The following LRIG1 variants were observed in gnomAD, a reference collection of about 807,000 sequenced individuals.
LRIG1 encodes the protein leucine rich repeats and immunoglobulin like domains 1.
In LRIG1, 48 loss-of-function variants were observed where a neutral mutation model predicts 99.2. The observed-to-expected ratio is 0.48, with a 90% CI of 0.38 to 0.62. The LOEUF (loss-of-function observed/expected upper bound fraction) is 0.62. Ranked by LOEUF, LRIG1 falls within the 20% of genes least tolerant of loss-of-function variation. LRIG1 has a pLI of 0.00. For missense variants in LRIG1, 1,646 were observed against 1,434.4 expected (o/e 1.15, Z -2.38); for synonymous variants, 772 against 596.1 (o/e 1.29, Z -4.30).
chr3:66,473,302 C>A (rs764213915), intron 1 of LRIG1, among the ~76,000 whole-genome samples: 5 of 152,214 alleles, frequency 3.3e-5, no homozygotes, highest in Non-Finnish European at 7.3e-5. Context: ...CAGGCTGGAG[C>A]TGCTTGTAAG....
chr3:66,388,454 C>T (rs1334883996), intron 12 of LRIG1, among the ~76,000 whole-genome samples: 11 of 152,032 alleles, frequency 7.2e-5, no homozygotes. Context: ...AAAGTATCTG[C>T]AAAACAATGG....
intron 11 of LRIG1, among the ~76,000 whole-genome samples, chr3:66,395,355 CT>C (rs1285175799): frequency 1.3e-5 from 2 of 152,194 alleles, no homozygotes; most frequent in African/African-American, 2.4e-5. Flanking sequence ...CCATTTTCTT[CT>C]GTTTCTCTCC....
intron 3 of LRIG1, 43 bp downstream of exon 3, chr3:66,451,516 G>A: frequency 1.3e-6 from 2 of 1,562,464 alleles, no homozygotes; most frequent in Non-Finnish European, 1.8e-6. Context: ...AAACACCATG[G>A]CCCCACCACA....
At chr3:66,460,747 G>C (rs1482822215) in intron 2 of LRIG1, among the ~76,000 whole-genome samples, 2 of 152,224 alleles carry the variant, frequency 1.3e-5, no homozygotes, top group African/African-American at 4.8e-5. Context: ...AACTAACACA[G>C]TGACCCACTT....
At chr3:66,433,490 A>G (rs1035515847) in intron 3 of LRIG1, among the ~76,000 whole-genome samples, 1 of 152,216 alleles carries the variant, frequency 6.6e-6, no homozygotes, top group African/African-American at 2.4e-5. Context: ...CAGGCAAAGG[A>G]GGAAGCTGTT....
At chr3:66,446,472 C>T (rs937715703) in intron 3 of LRIG1, among the ~76,000 whole-genome samples, 1 of 140,844 alleles carries the variant, frequency 7.1e-6, no homozygotes. Flanking sequence ...ATGGTGCGAT[C>T]TTAGCTCACT....
intron 3 of LRIG1, among the ~76,000 whole-genome samples, chr3:66,421,642 A>G (rs1032630653): frequency 3.5e-4 from 53 of 152,218 alleles, no homozygotes; most frequent in Non-Finnish European, 6.6e-4. Flanking sequence ...GCCCGGTGCA[A>G]GCTGTCAGTG....
At chr3:66,421,799 T>G (rs1159590628) in intron 3 of LRIG1, among the ~76,000 whole-genome samples, 1 of 152,236 alleles carries the variant, frequency 6.6e-6, no homozygotes, top group Non-Finnish European at 1.5e-5. Flanking sequence ...CCTTCCACAC[T>G]GCCCTAGCAG....
intron 2 of LRIG1, among the ~76,000 whole-genome samples, chr3:66,453,258 TCAAA>T (rs1703965672): frequency 6.6e-6 from 1 of 152,194 alleles, no homozygotes; most frequent in Admixed American, 6.5e-5. Flanking sequence ...CGATTTCTTC[TCAAA>T]CACAGAGAAT....
chr3:66,452,312 T>C (rs970336011), intron 2 of LRIG1, among the ~76,000 whole-genome samples: 3 of 152,178 alleles, frequency 2.0e-5, no homozygotes, highest in African/African-American at 4.8e-5. Context: ...AGTCCAAATA[T>C]GTATTTCCAT....
chr3:66,459,141 T>C (rs1194258124), intron 2 of LRIG1, among the ~76,000 whole-genome samples: 1 of 152,192 alleles, frequency 6.6e-6, no homozygotes, highest in East Asian at 1.9e-4. Context: ...GTGAGAAATA[T>C]ATTTTTGAGA....
chr3:66,385,936 G>A lies in LRIG1; in HGVS notation c.1789+45C>T, dbSNP rs747262028. 4.5e-6 allele frequency: 7 copies of A among 1,539,134 alleles called. No homozygotes were observed. In the East Asian group the frequency reaches 1.6e-4, roughly 35 times the overall value. On this transcript the variant is annotated intron_variant, in intron 13 of 18. Transcript: ENST00000273261. ...AAGCTGAAAGGGCAATCAGGAGTGT[G>A]CTTTGTAGGATTCTGGTACTATAAC...
chr3:66,494,882 C>T (rs1431007466), intron 1 of LRIG1, among the ~76,000 whole-genome samples: 1 of 152,170 alleles, frequency 6.6e-6, no homozygotes, highest in Non-Finnish European at 1.5e-5. Context: ...CTTCTCAGTC[C>T]TAGTCATAAT....
intron 2 of LRIG1, among the ~76,000 whole-genome samples, chr3:66,458,706 A>G (rs963150260): frequency 1.3e-4 from 20 of 152,048 alleles, no homozygotes; most frequent in African/African-American, 4.8e-4. Context: ...CATCTCAAAA[A>G]AAAGAAAGAA....
intron 2 of LRIG1, among the ~76,000 whole-genome samples, chr3:66,453,512 T>C (rs142856110): frequency 5.0e-4 from 76 of 152,348 alleles, no homozygotes; most frequent in African/African-American, 1.7e-3. Flanking sequence ...TTTTTCCTCA[T>C]TACCTTCTAT....
intron 2 of LRIG1, among the ~76,000 whole-genome samples, chr3:66,456,487 C>T (rs1370672339): frequency 1.3e-5 from 2 of 150,794 alleles, no homozygotes; most frequent in Admixed American, 6.6e-5. Flanking sequence ...GTGCGAGGAT[C>T]GCTTGAGCCT....
At chr3:66,456,388 C>A (rs1473604214) in intron 2 of LRIG1, among the ~76,000 whole-genome samples, 2 of 152,056 alleles carry the variant, frequency 1.3e-5, no homozygotes, top group Admixed American at 1.3e-4. Context: ...TCGAGACTAG[C>A]CTGGGCAACA....
intron 1 of LRIG1, among the ~76,000 whole-genome samples, chr3:66,498,854 G>C (rs568942529): frequency 1.2e-3 from 187 of 152,280 alleles, no homozygotes; most frequent in African/African-American, 4.0e-3. Flanking sequence ...ATTTTGAGAG[G>C]TACAGGATCT....
At position 66,426,521 on chromosome 3, in the gene LRIG1, T is replaced by C. The variant is rs553920262; in HGVS notation, c.366-9255A>G. On this transcript the variant is annotated intron_variant, in intron 3 of 18. Coordinates refer to ENST00000273261, the MANE Select transcript of LRIG1 (RefSeq NM_015541.3). ...TTTAACCACCTGCAAAATAAGGAAA[T>C]ACCTCTTAACTGCAGAGAGAAAACT... 2.6e-5 allele frequency among the ~76,000 whole-genome samples: 4 copies of C among 152,314 alleles called. No individual in the cohort carries two copies. In the South Asian group the frequency reaches 8.3e-4, roughly 32 times the overall value.
Sources: allele counts gnomAD v4.1 joint callset (sites outside exome capture counted in the v4.1 genomes callset), GRCh38; gene constraint gnomAD v4.1.1; transcripts MANE v1.5; gene names NCBI Gene and HGNC (gene_info 2026-07-23, HGNC 2026-07-21).